The following MCAM variants were observed in gnomAD, a reference collection of about 807,000 sequenced individuals.
MCAM encodes the protein cell surface glycoprotein MUC18.
In MCAM, 55 loss-of-function variants were observed where a neutral mutation model predicts 79.1. The ratio of observed to expected loss-of-function variants is 0.70; its 90% CI spans 0.56 to 0.87. MCAM has a LOEUF of 0.87. MCAM is among the 40% of genes least tolerant of loss of function. The pLI, the probability that MCAM is intolerant of heterozygous loss-of-function variation, is 0.00. For synonymous variants in MCAM, 330 were observed against 339.8 expected (o/e 0.97, Z 0.32); for missense variants, 745 against 839.8 (o/e 0.89, Z 1.40).
intron 5 of MCAM, 196 bp downstream of exon 5, chr11:119,314,293 C>G (rs1179076534): frequency 1.7e-6 from 1 of 572,790 alleles, no homozygotes; most frequent in African/African-American, 1.9e-5. Context: ...GTATCTGGGA[C>G]CACAGGCACA....
rs574674750 is a variant in MCAM at position 119,311,707 on chromosome 11, C to T, written c.1286-56G>A. 8.9e-5 allele frequency: 143 copies of T among 1,611,536 alleles called. 2 individuals are homozygous for T. The East Asian group carries it at 1.3e-3, about 15-fold the overall frequency. ...AGCCCAGCTAGCCTGCCTCCCCCTC[C>T]GCACCAGAGCTCCCCAGGGCAGCAG... On this transcript the variant is annotated intron_variant, in intron 10 of 15. Coordinates refer to ENST00000264036, the MANE Select transcript of MCAM (RefSeq NM_006500.3). This position sits in a 1 kb window ranked among gnomAD's most constrained non-coding sequence, Gnocchi z 4.4.
At position 119,311,016 on chromosome 11, in the gene MCAM, AG is replaced by A. The variant is rs764063326; in HGVS notation, c.1645+73del. The A allele has an allele frequency of 6.8e-6, 11 of 1,614,030 alleles. No homozygotes were observed. The highest frequency in any genetic ancestry group is 9.3e-6 in the Non-Finnish European group (11 of 1,179,944). On this transcript the variant is annotated intron_variant, in intron 13 of 15. Coordinates refer to ENST00000264036, the MANE Select transcript of MCAM (RefSeq NM_006500.3). This position sits in a 1 kb window ranked among gnomAD's most constrained non-coding sequence, Gnocchi z 4.4. ...GGGGCTGCTACTCACCTTTCTGGACAGGGCTCTCTGGGGAGGGACAGGGCAG... is the reference window on the plus strand; with the variant it reads ...GGGGCTGCTACTCACCTTTCTGGACAGGCTCTCTGGGGAGGGACAGGGCAG...
chr11:119,315,171 G>A lies in MCAM; in HGVS notation c.160C>T (p.Gln54Ter). 2 of 1,613,478 alleles carry A rather than the reference G, an allele frequency of 1.2e-6. No individual in the cohort carries two copies. Among genetic ancestry groups the A allele is most frequent in the Non-Finnish European group, 1.7e-6 (2 of 1,179,992 alleles). ...CAGTCGACATGGCTGAGGTTGCCTT[G>A]GGACTGGGAGAGGCCGCACTTCAGA... ...ALLKCGLSQSQGNLSHVDWFS... is the reference protein window; with the variant it reads ...ALLKCGLSQS The change falls in exon 2 of 16, where the codon CAA (glutamine) becomes TAA (stop). Residue 54 changes from glutamine (Q) to a stop codon, truncating the protein, a stop_gained. Coordinates refer to ENST00000264036, the MANE Select transcript of MCAM (RefSeq NM_006500.3). LOFTEE classifies it high-confidence loss of function. The surrounding 1 kb of genome is among the most constrained non-coding windows in gnomAD (Gnocchi z 4.4).
chr11:119,313,474 C>A (rs1293843145), intron 5 of MCAM: 10 of 474,850 alleles, frequency 2.1e-5, no homozygotes, highest in Non-Finnish European at 3.4e-5. Context: ...CTCGGCTCAC[C>A]GCAACCTCCA....
chr11:119,314,758 A>C lies in MCAM; in HGVS notation c.401-9T>G. 6.2e-7 allele frequency: 1 copy of C among 1,613,708 alleles called. No individual in the cohort carries two copies. The highest frequency in any genetic ancestry group is 1.1e-5 in the South Asian group (1 of 91,068). ...TGGCTCCTCCGGAGCTTCTACAAGA[A>C]AATAGAAATGAGGGGGACATCTGGC... On this transcript the variant is annotated splice_polypyrimidine_tract_variant and intron_variant, in intron 3 of 15. Transcript: ENST00000264036.
At position 119,310,395 on chromosome 11, in the gene MCAM, C is replaced by G; in HGVS notation, c.1865G>C (p.Gly622Ala). ...VKSDKLPEEM[G>A]LLQGSSGDKR... Reference sequence around the variant, plus strand: ...GTCACCGCTGCTGCCCTGCAGGAGGCCCATCTCTTCTGGGAGCTTATCTGA... The same window carrying G: ...GTCACCGCTGCTGCCCTGCAGGAGGGCCATCTCTTCTGGGAGCTTATCTGA... The change falls in exon 15 of 16, where the codon GGC becomes GCC. Residue 622 changes from glycine (G) to alanine (A), a missense_variant. By Grantham distance (60) the Gly-to-Ala change is moderately conservative. Transcript: ENST00000264036. 1.2e-6 allele frequency: 2 copies of G among 1,614,050 alleles called. No individual in the cohort carries two copies. The highest frequency in any genetic ancestry group is 1.7e-6 in the Non-Finnish European group (2 of 1,179,968).
Position 119,312,166 on chromosome 11 carries a change from C to A in MCAM, c.1029G>T (p.Val343=). 6.2e-7 allele frequency: 1 copy of A among 1,612,378 alleles called. No individual in the cohort carries two copies. Among genetic ancestry groups the A allele is most frequent in the Non-Finnish European group, 8.5e-7 (1 of 1,179,076 alleles). ...CTGCGGGACTCACTCGGACGTCAGA[C>A]ACATCTGGGGGTACAGCAATCATGT... The part of the protein sequence containing the change: ...SEPQELLVNY[V]SDVRVSPAAP... Residue 343 remains valine, a synonymous_variant, in exon 9 of 16, where the codon GTG becomes GTT. Coordinates refer to ENST00000264036, the MANE Select transcript of MCAM (RefSeq NM_006500.3). The surrounding 1 kb of genome is among the most constrained non-coding windows in gnomAD (Gnocchi z 4.9).
chr11:119,314,277 T>C, intron 5 of MCAM: 1 of 554,124 alleles, frequency 1.8e-6, no homozygotes, highest in Non-Finnish European at 3.2e-6. Flanking sequence ...TGCCTCAGCC[T>C]CCCAAGTATC....
Position 119,311,956 on chromosome 11 carries a change from T to C in MCAM, c.1144-7A>G. 6.2e-7 allele frequency: 1 copy of C among 1,613,474 alleles called. No individual in the cohort carries two copies. The highest frequency in any genetic ancestry group is 8.5e-7 in the Non-Finnish European group (1 of 1,179,950). ...TTTCCAGCACCTGGCCTGTCTGGGATGAGAGATGGGTCAGAGGGTCTGGGA... is the reference window on the plus strand; with the variant it reads ...TTTCCAGCACCTGGCCTGTCTGGGACGAGAGATGGGTCAGAGGGTCTGGGA... On this transcript the variant is annotated splice_region_variant and splice_polypyrimidine_tract_variant and intron_variant, in intron 9 of 15. Coordinates refer to ENST00000264036, the MANE Select transcript of MCAM (RefSeq NM_006500.3). This position sits in a 1 kb window ranked among gnomAD's most constrained non-coding sequence, Gnocchi z 4.4.
At chr11:119,314,206 A>G (rs1458113966) in intron 5 of MCAM, 2 of 468,894 alleles carry the variant, frequency 4.3e-6, no homozygotes, top group Non-Finnish European at 7.3e-6. Flanking sequence ...CCCAGGCCGG[A>G]GTGTGGTGGT....
At position 119,311,267 on chromosome 11, in the gene MCAM, A is replaced by G; in HGVS notation, c.1549+13T>C. The G allele has an allele frequency of 6.2e-7, 1 of 1,614,086 alleles. No homozygotes were observed. On this transcript the variant is annotated intron_variant, in intron 12 of 15. Coordinates refer to ENST00000264036, the MANE Select transcript of MCAM (RefSeq NM_006500.3). The surrounding 1 kb of genome is among the most constrained non-coding windows in gnomAD (Gnocchi z 4.4). The stretch of plus-strand genomic sequence containing the variant: ...CCTGCCCCTGCCATCCCCTGCAGGG[A>G]TGCAGCCCTCACCCAGCTCCAGGAA...
At chr11:119,314,606 C>A in intron 4 of MCAM, 30 bp from the exon 5 acceptor site, 1 of 1,610,590 alleles carries the variant, frequency 6.2e-7, no homozygotes, top group Non-Finnish European at 8.5e-7. Context: ...AGTCTCCCTG[C>A]CTCCGAGCCC....
Position 119,310,414 on chromosome 11 carries a change from T to C in MCAM, c.1846A>G (p.Lys616Glu), listed in dbSNP as rs141604694. The change falls in exon 15 of 16, where the codon AAG becomes GAG. Residue 616 changes from lysine to glutamate, a missense_variant. Coordinates refer to ENST00000264036, the MANE Select transcript of MCAM (RefSeq NM_006500.3). ...AGGAGGCCCATCTCTTCTGGGAGCT[T>C]ATCTGACTTAACTTCAACTACAAGT... ...SELVVEVKSD[K>E]LPEEMGLLQG... 3 of 1,613,952 alleles carry C rather than the reference T, an allele frequency of 1.9e-6. No individual in the cohort carries two copies. Among genetic ancestry groups the C allele is most frequent in the South Asian group, 2.2e-5 (2 of 91,082 alleles).
intron 15 of MCAM, 64 bp from the exon 16 acceptor site, chr11:119,309,979 C>G: frequency 7.4e-7 from 1 of 1,359,850 alleles, no homozygotes; most frequent in Non-Finnish European, 1.0e-6. Context: ...GTGTGAGCAC[C>G]GAGAGGAAGG....
rs775790690 is a variant in MCAM, at chr11:119,311,326, G to T, written c.1503C>A (p.Ala501=). The T allele has an allele frequency of 1.2e-6, 2 of 1,614,198 alleles. No individual in the cohort carries two copies. The highest frequency in any genetic ancestry group is 2.2e-5 in the South Asian group (2 of 91,088). ...ELLETGVECT[A]SNDLGKNTSI... ...TGGTGTTTTTGCCCAGGTCGTTGGA[G>T]GCCGTGCATTCAACACCTGTCTCCA... Residue 501 remains alanine, a synonymous_variant, in exon 12 of 16, where the codon GCC becomes GCA. Coordinates refer to ENST00000264036, the MANE Select transcript of MCAM (RefSeq NM_006500.3). The surrounding 1 kb of genome is among the most constrained non-coding windows in gnomAD (Gnocchi z 4.4).
chr11:119,313,048 C>A, intron 5 of MCAM, 99 bp from the exon 6 acceptor site: 7 of 1,580,036 alleles, frequency 4.4e-6, no homozygotes, highest in Non-Finnish European at 6.0e-6. Flanking sequence ...ATCTAAATAG[C>A]CCCCTGTCCC....
intron 4 of MCAM, 43 bp from the exon 5 acceptor site, chr11:119,314,619 T>C: frequency 6.2e-7 from 1 of 1,611,800 alleles, no homozygotes; most frequent in East Asian, 2.2e-5. Context: ...CCGAGCCCCC[T>C]TCAAGCCCCA....
chr11:119,311,461 G>A lies in MCAM; in HGVS notation c.1408-40C>T. On this transcript the variant is annotated intron_variant, in intron 11 of 15. Coordinates refer to ENST00000264036, the MANE Select transcript of MCAM (RefSeq NM_006500.3). The surrounding 1 kb of genome is among the most constrained non-coding windows in gnomAD (Gnocchi z 4.4). ...AGGAGGCAGCTCAGGGGATGGGGAG[G>A]ATCTCTGGTCCTGGCCACAAAGCGC... The A allele has an allele frequency of 6.2e-7, 1 of 1,613,572 alleles. No homozygotes were observed. The highest frequency in any genetic ancestry group is 8.5e-7 in the Non-Finnish European group (1 of 1,179,530).
chr11:119,317,010 G>C lies in MCAM; in HGVS notation c.67+25C>G. On this transcript the variant is annotated intron_variant, in intron 1 of 15. Coordinates refer to ENST00000264036, the MANE Select transcript of MCAM (RefSeq NM_006500.3). This position sits in a 1 kb window ranked among gnomAD's most constrained non-coding sequence, Gnocchi z 6.2. Reference sequence around the variant, plus strand: ...TCCACCGCAGACCCCTAGCCGGGGCGCGGCCCCCCTGCGAGCGAACTCACC... The same window carrying C: ...TCCACCGCAGACCCCTAGCCGGGGCCCGGCCCCCCTGCGAGCGAACTCACC... The C allele has an allele frequency of 6.6e-7, 1 of 1,523,674 alleles. No homozygotes were observed. The highest frequency in any genetic ancestry group is 8.8e-7 in the Non-Finnish European group (1 of 1,139,030). 94.4% of individuals were successfully genotyped at this position (1,523,674 alleles called of 1,614,324 possible). A position where few individuals can be genotyped will look rare whatever the true frequency, so the allele number is the denominator to read the frequency against.
Sources: allele counts gnomAD v4.1 joint callset, GRCh38; gene constraint gnomAD v4.1.1; non-coding constraint Gnocchi (gnomAD v3.1); transcripts MANE v1.5; gene names NCBI Gene and HGNC (gene_info 2026-07-23, HGNC 2026-07-21).